Variants in PCIF1 observed in about 807,000 individuals in gnomAD.
PCIF1 encodes mRNA (2'-O-methyladenosine-N(6)-)-methyltransferase.
PCIF1 carries 12 observed loss-of-function variants against 86.9 expected under a neutral mutation model. The observed-to-expected ratio is 0.14, with a 90% confidence interval of 0.09 to 0.22. The LOEUF (loss-of-function observed/expected upper bound fraction) is 0.22, where lower values mean the gene tolerates loss of function less well. PCIF1 is among the 10% of genes least tolerant of loss of function. The pLI is 1.00. For synonymous variants in PCIF1, 397 were observed against 372.0 expected, an observed-to-expected ratio of 1.07 and a Z score of -0.77; for missense variants, 701 against 951.1, an observed-to-expected ratio of 0.74 and a Z score of 3.46.
In PCIF1 at chr20:45,947,570, C is replaced by T. The variant is rs1317659057; in HGVS notation, c.1930C>T (p.Leu644=). The T allele has an allele frequency of 6.2e-7, 1 of 1,613,626 alleles. No homozygotes were observed. Among genetic ancestry groups the T allele is most frequent in the Non-Finnish European group, 8.5e-7 (1 of 1,180,020 alleles). Residue 644 remains leucine, a synonymous_variant, in exon 17 of 17, where the codon CTA becomes TTA. Coordinates refer to ENST00000372409, the MANE Select transcript of PCIF1 (RefSeq NM_022104.4). This position sits in a 1 kb window ranked among gnomAD's most constrained non-coding sequence, Gnocchi z 5.4. ...KAVHNTAVLF[L]QNDPGFAKWA... Reference sequence around the variant, plus strand: ...CGTCCACAACACGGCTGTGCTCTTCCTACAGAACGACCCTGGCTTTGCCAA... The same window carrying T: ...CGTCCACAACACGGCTGTGCTCTTCTTACAGAACGACCCTGGCTTTGCCAA...
Position 45,941,212 on chromosome 20 carries a change from C to T in PCIF1, c.673+5C>T, listed in dbSNP as rs763480716. 2.1e-5 allele frequency: 34 copies of T among 1,594,608 alleles called. No homozygotes were observed. Among genetic ancestry groups the T allele is most frequent in the Admixed American group, 1.4e-4 (8 of 58,708 alleles). On this transcript the variant is annotated splice_donor_5th_base_variant and intron_variant, in intron 7 of 16. Coordinates refer to ENST00000372409, the MANE Select transcript of PCIF1 (RefSeq NM_022104.4). ...AGCTGTGCCAGCAGCGAGAGGGTAC[C>T]TGCCTCTGGGCTGCAGCCTCCTTTA...
chr20:45,943,662 G>T lies in PCIF1; in HGVS notation c.906-4G>T, dbSNP rs754461573. 4.5e-6 allele frequency: 7 copies of T among 1,556,734 alleles called. No individual in the cohort carries two copies. Among genetic ancestry groups the T allele is most frequent in the Non-Finnish European group, 6.1e-6 (7 of 1,149,398 alleles). ...CTTTCTTCTGCCCTCCCCTTGACTG[G>T]CAGGAGTGCATCCCCTGACAGTAGG... On this transcript the variant is annotated splice_polypyrimidine_tract_variant and splice_region_variant and intron_variant, in intron 9 of 16. Transcript: ENST00000372409. This position sits in a 1 kb window ranked among gnomAD's most constrained non-coding sequence, Gnocchi z 5.5.
intron 2 of PCIF1, among the ~76,000 whole-genome samples, chr20:45,938,398 C>T (rs183894979): frequency 5.4e-4 from 82 of 152,296 alleles, no homozygotes; most frequent in Non-Finnish European, 9.6e-4. Flanking sequence ...AATCCCATCT[C>T]CTTCTGGGAG....
intron 10 of PCIF1, among the ~76,000 whole-genome samples, chr20:45,944,160 G>A (rs1360570578): frequency 2.0e-5 from 3 of 152,038 alleles, no homozygotes; most frequent in African/African-American, 4.8e-5. Flanking sequence ...TACTCTTAAT[G>A]TGTCCAAAAC....
At position 45,945,797 on chromosome 20, in the gene PCIF1, G is replaced by C. The variant is rs762832749; in HGVS notation, c.1255G>C (p.Val419Leu). Residue 419 changes from valine (V) to leucine (L), a missense_variant, in exon 12 of 17, where the codon GTG (valine) becomes CTG (leucine). Coordinates refer to ENST00000372409, the MANE Select transcript of PCIF1 (RefSeq NM_022104.4). ...TGTGTCTGCACCGCCCATGCCCAGC[G>C]TGGAGATGCACATGGAGAACAACGT... is the stretch of plus-strand genomic sequence containing the variant. ...LAVSAPPMPS[V>L]EMHMENNVVC... The C allele has an allele frequency of 6.2e-7, 1 of 1,613,898 alleles. No homozygotes were observed.
In PCIF1 at chr20:45,939,020, C is replaced by G. The variant is rs144885536; in HGVS notation, c.21C>G (p.Gly7=). The part of the protein sequence containing the change: MANENH[G]SPREEASLLS... ...TGGAGATGGCCAATGAGAATCACGG[C>G]AGCCCCCGGGAGGAAGCGTCCCTGC... Residue 7 remains glycine (G), a synonymous_variant, in exon 3 of 17, where the codon GGC becomes GGG. Coordinates refer to ENST00000372409, the MANE Select transcript of PCIF1 (RefSeq NM_022104.4). The G allele has an allele frequency of 3.1e-5, 50 of 1,613,938 alleles. No individual in the cohort carries two copies. In the African/African-American group the frequency reaches 6.4e-4, roughly 21 times the overall value.
rs140304055 is a variant in PCIF1, at chr20:45,946,266, G to A, written c.1495G>A (p.Glu499Lys). Residue 499 changes from glutamate to lysine, a missense_variant, in exon 14 of 17, where the codon GAG becomes AAG. Physicochemically the swap from Glu to Lys is moderately conservative, Grantham distance 56. Coordinates refer to ENST00000372409, the MANE Select transcript of PCIF1 (RefSeq NM_022104.4). Reference protein sequence around the residue: ...LQGSLPVHVFEALHRLFGVSF... With the variant: ...LQGSLPVHVFKALHRLFGVSF... ...GGGATCGCTGCCTGTGCATGTCTTTGAGGCCCTCCACCGACTCTTTGGCGT... is the reference window on the plus strand; with the variant it reads ...GGGATCGCTGCCTGTGCATGTCTTTAAGGCCCTCCACCGACTCTTTGGCGT... The A allele has an allele frequency of 6.2e-7, 1 of 1,614,174 alleles. No homozygotes were observed. The highest frequency in any genetic ancestry group is 1.3e-5 in the African/African-American group (1 of 75,058).
chr20:45,942,842 G>A (rs2083487033), intron 7 of PCIF1, among the ~76,000 whole-genome samples: 1 of 141,318 alleles, frequency 7.1e-6, no homozygotes, highest in Admixed American at 7.5e-5. Flanking sequence ...TGAACTCATG[G>A]GCTCAAGCTG....
chr20:45,934,849 G>C (rs574606316), intron 1 of PCIF1, 45 bp downstream of exon 1: 4 of 398,072 alleles, frequency 1.0e-5, no homozygotes, highest in African/African-American at 8.2e-5. Context: ...GCCGCGCCAG[G>C]GTCTGGGGAT....
At chr20:45,942,457 G>C (rs1299699254) in intron 7 of PCIF1, among the ~76,000 whole-genome samples, 1 of 150,956 alleles carries the variant, frequency 6.6e-6, no homozygotes, top group Non-Finnish European at 1.5e-5. Flanking sequence ...TGGGAATATG[G>C]GCACATGCCA....
In PCIF1 at chr20:45,945,977, A is replaced by AC. The variant is rs2083521661; in HGVS notation, c.1342-52_1342-51insC. The AC allele has an allele frequency of 4.3e-6, 7 of 1,612,966 alleles. No homozygotes were observed. In the East Asian group the frequency reaches 1.6e-4, roughly 36 times the overall value. ...AGTCCCCAGCAGGAGGCCAGTGATG[A>AC]GGACATGAGGGAGCACTGCTGAAGG... On this transcript the variant is annotated intron_variant, in intron 12 of 16. Coordinates refer to ENST00000372409, the MANE Select transcript of PCIF1 (RefSeq NM_022104.4).
Position 45,945,859 on chromosome 20 carries a change from C to G in PCIF1, c.1317C>G (p.Val439=). 6.2e-7 allele frequency: 1 copy of G among 1,613,810 alleles called. No homozygotes were observed. Among genetic ancestry groups the G allele is most frequent in the Non-Finnish European group, 8.5e-7 (1 of 1,180,026 alleles). Reference sequence around the variant, plus strand: ...GGTATAAGGGAGAGATGGTCAAGGTCAGCCGCAACTACTTCAGCAAGCTGG... The same window carrying G: ...GGTATAAGGGAGAGATGGTCAAGGTGAGCCGCAACTACTTCAGCAAGCTGG... ...CIRYKGEMVK[V]SRNYFSKLWL... The change falls in exon 12 of 17, where the codon GTC becomes GTG. Residue 439 remains valine, a synonymous_variant. Transcript: ENST00000372409.
rs949366927 is a variant in PCIF1 at position 45,934,746 on chromosome 20, G to A, written c.-246G>A. 2 of 398,782 alleles carry A rather than the reference G, an allele frequency of 5.0e-6. No individual in the cohort carries two copies. Among genetic ancestry groups the A allele is most frequent in the Non-Finnish European group, 4.4e-6 (1 of 226,128 alleles). The allele number at this position is 398,782 out of a possible 1,614,324, so 24.7% of individuals were successfully genotyped here. ...CGCTGGGGAGGGCGAGGCGGAGGCG[G>A]CAAAACGGGCGGTCGAGCAGAACGT... On this transcript the variant is annotated 5_prime_UTR_variant, in exon 1 of 17. Transcript: ENST00000372409.
rs1044868645 is a variant in PCIF1 at position 45,943,349 on chromosome 20, A to C, written c.831A>C (p.Arg277=). The C allele has an allele frequency of 1.9e-6, 3 of 1,614,116 alleles. No homozygotes were observed. The highest frequency in any genetic ancestry group is 2.5e-6 in the Non-Finnish European group (3 of 1,179,974). The change falls in exon 9 of 17, where the codon CGA becomes CGC. Residue 277 remains arginine, a synonymous_variant. Transcript: ENST00000372409. The surrounding 1 kb of genome is among the most constrained non-coding windows in gnomAD (Gnocchi z 5.5). ...IMNDIPIRLS[R]IKFREEAKRL... ...CCACTCTGAAACGCAGGTTATCCCG[A>C]ATCAAGTTCCGGGAGGAAGCCAAGC...
intron 1 of PCIF1, among the ~76,000 whole-genome samples, chr20:45,937,068 T>G (rs894026459): frequency 2.6e-5 from 4 of 152,250 alleles, no homozygotes; most frequent in African/African-American, 9.6e-5. Flanking sequence ...GTACTTCAGT[T>G]GGCAGGACTG....
At chr20:45,945,171 G>A in intron 11 of PCIF1, 141 bp downstream of exon 11, 1 of 1,053,634 alleles carries the variant, frequency 9.5e-7, no homozygotes, top group Non-Finnish European at 1.3e-6. Flanking sequence ...TACTTCTCTG[G>A]GAAACGGAGA....
At chr20:45,938,299 T>C (rs966487877) in intron 2 of PCIF1, among the ~76,000 whole-genome samples, 1 of 152,218 alleles carries the variant, frequency 6.6e-6, no homozygotes, top group Non-Finnish European at 1.5e-5. Flanking sequence ...CTTCCTGCCA[T>C]GTAGTGTAAA....
In PCIF1 at chr20:45,947,642, C is replaced by A; in HGVS notation, c.2002C>A (p.Arg668=). ...GCTGCAGGAGCTGAGTGCTGCCTAC[C>A]GGCAGTCAGGCCGCAGCCACAGCTC... The part of the protein sequence containing the change: ...ERLQELSAAY[R]QSGRSHSSGS... Residue 668 remains arginine (R), a synonymous_variant, in exon 17 of 17, where the codon CGG becomes AGG. Transcript: ENST00000372409. The surrounding 1 kb of genome is among the most constrained non-coding windows in gnomAD (Gnocchi z 5.4). 1 of 1,612,484 alleles carries A rather than the reference C, an allele frequency of 6.2e-7. No individual in the cohort carries two copies. The highest frequency in any genetic ancestry group is 1.1e-5 in the South Asian group (1 of 91,076).
intron 1 of PCIF1, among the ~76,000 whole-genome samples, chr20:45,935,951 C>G (rs891685518): frequency 1.3e-5 from 2 of 152,124 alleles, no homozygotes; most frequent in Admixed American, 1.3e-4. Flanking sequence ...GTTCATCTAC[C>G]CGGTGCATCA....
Sources: gnomAD v4.1 joint callset for allele counts (sites outside exome capture counted in the v4.1 genomes callset) on GRCh38, gnomAD v4.1.1 for gene constraint, Gnocchi (gnomAD v3.1) non-coding constraint, MANE v1.5 for transcripts, NCBI Gene and HGNC (gene_info 2026-07-23, HGNC 2026-07-21) for gene names.